Variants in FLVCR1 observed in about 807,000 individuals in gnomAD.
FLVCR1 encodes FLVCR choline and heme transporter 1, also known as choline/ethanolamine transporter FLVCR1.
In FLVCR1, 34 loss-of-function variants were observed where a neutral mutation model predicts 53.6. The ratio of observed to expected loss-of-function variants is 0.63; its 90% confidence interval spans 0.48 to 0.84. The LOEUF (loss-of-function observed/expected upper bound fraction) is 0.84. FLVCR1 is among the 40% of genes least tolerant of loss of function. The pLI is 0.00. For synonymous variants in FLVCR1, 300 were observed against 286.3 expected (o/e 1.05, Z -0.48); for missense variants, 677 against 696.7 (o/e 0.97, Z 0.32).
chr1:212,858,418 G>A lies in FLVCR1; in HGVS notation c.-35G>A. 7.0e-7 allele frequency: 1 copy of A among 1,427,092 alleles called. No individual in the cohort carries two copies. 88.4% of individuals were successfully genotyped at this position (1,427,092 alleles called of 1,614,324 possible). Reference sequence around the variant, plus strand: ...CGGGAGAGCGGAGTCGGGGAGTGGGGCGGGGGAGCGAGGTGGCGCCGGGGA... The same window carrying A: ...CGGGAGAGCGGAGTCGGGGAGTGGGACGGGGGAGCGAGGTGGCGCCGGGGA... On this transcript the variant is annotated 5_prime_UTR_variant, in exon 1 of 10. Coordinates refer to ENST00000366971, the MANE Select transcript of FLVCR1 (RefSeq NM_014053.4).
chr1:212,874,156 T>C (rs12122682), intron 3 of FLVCR1, among the ~76,000 whole-genome samples: 70,456 of 152,032 alleles, frequency 0.46, 17,568 homozygotes, highest in East Asian at 0.56. Flanking sequence ...TACAGGCCCC[T>C]GCAACCATGC....
intron 8 of FLVCR1, among the ~76,000 whole-genome samples, chr1:212,889,564 T>G (rs1572028032): frequency 6.6e-6 from 1 of 152,010 alleles, no homozygotes; most frequent in African/African-American, 2.4e-5. Context: ...GTGAGGAGTT[T>G]GAGACCAGCC....
At chr1:212,895,090 A>G in intron 9 of FLVCR1, 37 bp downstream of exon 9, 1 of 1,384,816 alleles carries the variant, frequency 7.2e-7, no homozygotes, top group South Asian at 1.2e-5. Flanking sequence ...GTTGAGAAGT[A>G]TGTATAGAAT....
intron 3 of FLVCR1, among the ~76,000 whole-genome samples, chr1:212,882,507 A>G (rs1471894100): frequency 6.6e-6 from 1 of 152,180 alleles, no homozygotes; most frequent in Non-Finnish European, 1.5e-5. Flanking sequence ...TTGGTAAAGA[A>G]TAGGATTGGG....
intron 8 of FLVCR1, among the ~76,000 whole-genome samples, chr1:212,890,913 G>A (rs1236360713): frequency 6.6e-6 from 1 of 152,114 alleles, no homozygotes; most frequent in East Asian, 1.9e-4. Flanking sequence ...ATTCATTCAC[G>A]AAGCTAAAAG....
rs72743962 is a variant in FLVCR1 at position 212,877,739 on chromosome 1, A to G, written c.1024+4921A>G. Among the ~76,000 whole-genome samples, 984 of 146,164 alleles carry G rather than the reference A, an allele frequency of 6.7e-3. 6 individuals are homozygous for G. The highest frequency in any genetic ancestry group is 0.01 in the Non-Finnish European group (693 of 67,162). On this transcript the variant is annotated intron_variant, in intron 3 of 9. Coordinates refer to ENST00000366971, the MANE Select transcript of FLVCR1 (RefSeq NM_014053.4). The stretch of plus-strand genomic sequence containing the variant: ...AGCTCTTTAGTTTAATTAGGTGCCA[A>G]TGAATGAACTTTCTGAACCTGATAA...
rs1665403843 is a variant in FLVCR1, at chr1:212,898,703, C to A, written c.*3413C>A. The A allele has an allele frequency of 6.6e-6, 1 of 152,156 alleles. No homozygotes were observed. The highest frequency in any genetic ancestry group is 2.4e-5 in the African/African-American group (1 of 41,434). 9.4% of individuals were successfully genotyped at this position (152,156 alleles called of 1,614,324 possible). Reference sequence around the variant, plus strand: ...AATGTGTGACTTCATGACAGAGCTACATTCTGAGAAATTTGTCATTAGGTG... The same window carrying A: ...AATGTGTGACTTCATGACAGAGCTAAATTCTGAGAAATTTGTCATTAGGTG... On this transcript the variant is annotated 3_prime_UTR_variant, in exon 10 of 10. Transcript: ENST00000366971.
At chr1:212,866,284 CT>C (rs1163191630) in intron 2 of FLVCR1, among the ~76,000 whole-genome samples, 1 of 152,004 alleles carries the variant, frequency 6.6e-6, no homozygotes, top group African/African-American at 2.4e-5. Context: ...CGAGCCCGGC[CT>C]TTTTTGTGTG....
intron 8 of FLVCR1, among the ~76,000 whole-genome samples, chr1:212,893,229 G>A (rs1048807805): frequency 1.3e-5 from 2 of 151,954 alleles, no homozygotes; most frequent in East Asian, 3.9e-4. Context: ...CTAATTTTTT[G>A]TATTTTTTGT....
intron 6 of FLVCR1, 54 bp from the exon 7 acceptor site, chr1:212,888,435 T>C (rs1296676967): frequency 8.5e-7 from 1 of 1,172,396 alleles, no homozygotes; most frequent in Non-Finnish European, 1.3e-6. Flanking sequence ...TGCATCAGTA[T>C]GTGATTGTGA....
intron 8 of FLVCR1, 117 bp downstream of exon 8, chr1:212,889,374 C>G: frequency 1.4e-6 from 1 of 720,448 alleles, no homozygotes; most frequent in East Asian, 2.7e-5. Flanking sequence ...AAAAGCAGGA[C>G]ATTATTTGTT....
Position 212,858,323 on chromosome 1 carries a change from C to T in FLVCR1, c.-130C>T. On this transcript the variant is annotated 5_prime_UTR_variant, in exon 1 of 10. Coordinates refer to ENST00000366971, the MANE Select transcript of FLVCR1 (RefSeq NM_014053.4). Reference sequence around the variant, plus strand: ...AGCGCGGATTGCGGTTCGCGGCGCGCGCCACCGGGGAAGGAGCGGTGGGCC... The same window carrying T: ...AGCGCGGATTGCGGTTCGCGGCGCGTGCCACCGGGGAAGGAGCGGTGGGCC... 1 of 936,300 alleles carries T rather than the reference C, an allele frequency of 1.1e-6. No individual in the cohort carries two copies. Among genetic ancestry groups the T allele is most frequent in the Non-Finnish European group, 1.5e-6 (1 of 661,210 alleles). The allele number at this position is 936,300 out of a possible 1,614,324, so 58.0% of individuals were successfully genotyped here.
rs1180461645 is a variant in FLVCR1, at chr1:212,896,696, T to C, written c.*1406T>C. On this transcript the variant is annotated 3_prime_UTR_variant, in exon 10 of 10. Coordinates refer to ENST00000366971, the MANE Select transcript of FLVCR1 (RefSeq NM_014053.4). The stretch of plus-strand genomic sequence containing the variant: ...TGAATAGCAATTTTGATTTAGGCAG[T>C]GTGTTAGGCCATCCTTGCATTGCTA... 6.6e-6 allele frequency: 1 copy of C among 151,726 alleles called. No individual in the cohort carries two copies. Among genetic ancestry groups the C allele is most frequent in the Non-Finnish European group, 1.5e-5 (1 of 67,940 alleles). 9.4% of individuals were successfully genotyped at this position (151,726 alleles called of 1,614,324 possible). A position where few individuals can be genotyped will look rare whatever the true frequency, so the allele number is the denominator to read the frequency against.
intron 2 of FLVCR1, among the ~76,000 whole-genome samples, chr1:212,868,850 T>A (rs1035032487): frequency 6.6e-6 from 1 of 152,222 alleles, no homozygotes; most frequent in African/African-American, 2.4e-5. Flanking sequence ...TACAGAATTA[T>A]TTTACATATA....
rs12125982 is a variant in FLVCR1 at position 212,883,550 on chromosome 1, A to G, written c.1092+112A>G. The G allele has an allele frequency of 0.48, 322,560 of 665,784 alleles. 80,929 individuals are homozygous for G. Among genetic ancestry groups the G allele is most frequent in the East Asian group, 0.53 (19,436 of 36,526 alleles). 41.2% of individuals were successfully genotyped at this position (665,784 alleles called of 1,614,324 possible). A position where few individuals can be genotyped will look rare whatever the true frequency, so the allele number is the denominator to read the frequency against. On this transcript the variant is annotated intron_variant, in intron 4 of 9. Coordinates refer to ENST00000366971, the MANE Select transcript of FLVCR1 (RefSeq NM_014053.4). ...AGGGTTATGACATTGTTGCTATCAAATATTTACATTTGTTTTAATTGAGAA... is the reference window on the plus strand; with the variant it reads ...AGGGTTATGACATTGTTGCTATCAAGTATTTACATTTGTTTTAATTGAGAA...
At position 212,858,509 on chromosome 1, in the gene FLVCR1, G is replaced by T. The variant is rs1231905601; in HGVS notation, c.57G>T (p.Ala19=). The change falls in exon 1 of 10, where the codon GCG becomes GCT. Residue 19 remains alanine, a synonymous_variant. Coordinates refer to ENST00000366971, the MANE Select transcript of FLVCR1 (RefSeq NM_014053.4). ...CGGTGGCGCCCGGACACCCGCTCGC[G>T]AAAGGATACCTCCCGTTGCCGAGGG... is the stretch of plus-strand genomic sequence containing the variant. ...GAAVAPGHPL[A]KGYLPLPRGA... 6.9e-7 allele frequency: 1 copy of T among 1,450,790 alleles called. No homozygotes were observed. The highest frequency in any genetic ancestry group is 2.5e-5 in the East Asian group (1 of 39,982). 89.9% of individuals were successfully genotyped at this position (1,450,790 alleles called of 1,614,324 possible).
chr1:212,858,974 G>T lies in FLVCR1; in HGVS notation c.522G>T (p.Arg174=). ...GGCTGCTGGACACCAGAGGCCTGCG[G>T]CTCACCGCCCTGCTGGGCTCCGGCC... ...ATWLLDTRGL[R]LTALLGSGLN... Residue 174 remains arginine (R), a synonymous_variant, in exon 1 of 10, where the codon CGG becomes CGT. Coordinates refer to ENST00000366971, the MANE Select transcript of FLVCR1 (RefSeq NM_014053.4). 1 of 1,614,052 alleles carries T rather than the reference G, an allele frequency of 6.2e-7. No homozygotes were observed. The highest frequency in any genetic ancestry group is 8.5e-7 in the Non-Finnish European group (1 of 1,179,972).
At chr1:212,863,976 G>A (rs1236172272) in intron 2 of FLVCR1, 107 bp downstream of exon 2, 21 of 904,870 alleles carry the variant, frequency 2.3e-5, no homozygotes, top group Non-Finnish European at 3.5e-5. Context: ...CATGTGCTTT[G>A]TTTCATTCTT....
At position 212,888,554 on chromosome 1, in the gene FLVCR1, C is replaced by A; in HGVS notation, c.1373C>A (p.Ser458Tyr). Residue 458 changes from serine (S) to tyrosine (Y), a missense_variant, in exon 7 of 10, where the codon TCT (serine) becomes TAT (tyrosine). By Grantham distance (144) the Ser-to-Tyr change is moderately radical. Coordinates refer to ENST00000366971, the MANE Select transcript of FLVCR1 (RefSeq NM_014053.4). ...GCTGTTGAAATCACTTACCCTGAAT[C>A]TGAAGGTACTTCATCTGGTCTTCTT... The part of the protein sequence containing the change: ...EFAVEITYPE[S>Y]EGTSSGLLNA... 6.2e-7 allele frequency: 1 copy of A among 1,613,816 alleles called. No individual in the cohort carries two copies.
Sources: gnomAD v4.1 joint callset for allele counts (sites outside exome capture counted in the v4.1 genomes callset) on GRCh38, gnomAD v4.1.1 for gene constraint, MANE v1.5 for transcripts, NCBI Gene and HGNC (gene_info 2026-07-23, HGNC 2026-07-21) for gene names.